The following GLIS3 variants were observed in gnomAD, a reference collection of about 807,000 sequenced individuals.
GLIS3 encodes zinc finger protein GLIS3.
GLIS3 carries 53 observed loss-of-function variants against 78.6 expected under a neutral mutation model. That is an observed-to-expected ratio of 0.67 (90% CI 0.54 to 0.85). GLIS3 has a LOEUF of 0.85. Among genes scored for constraint, GLIS3 ranks in the 40% least tolerant of loss-of-function variants. GLIS3 has a pLI of 0.00. For missense variants in GLIS3, 1,703 were observed against 1,231.1 expected (o/e 1.38, Z -5.74); for synonymous variants, 684 against 509.9 (o/e 1.34, Z -4.60).
chr9:4,077,106 T>C (rs1472488807), intron 4 of GLIS3, among the ~76,000 whole-genome samples: 1 of 152,218 alleles, frequency 6.6e-6, no homozygotes, highest in Non-Finnish European at 1.5e-5. Flanking sequence ...TATTTGTCAT[T>C]GATATCTGCT....
chr9:4,032,035 G>A (rs10124894), intron 4 of GLIS3, among the ~76,000 whole-genome samples: 62,262 of 151,862 alleles, frequency 0.41, 12,961 homozygotes, highest in South Asian at 0.45. Flanking sequence ...AGCCTAGGCA[G>A]GTAGGGTACA....
chr9:3,926,472 CG>C (rs1825262002), intron 6 of GLIS3, among the ~76,000 whole-genome samples: 3 of 152,036 alleles, frequency 2.0e-5, no homozygotes, highest in Admixed American at 6.5e-5. Context: ...CCTCATGATC[CG>C]CCTGTCTCGG....
At chr9:4,248,371 G>A (rs2129815904) in intron 2 of GLIS3, among the ~76,000 whole-genome samples, 1 of 152,220 alleles carries the variant, frequency 6.6e-6, no homozygotes, top group South Asian at 2.1e-4. Flanking sequence ...GATTTGCTGA[G>A]AATGATCGTT....
At chr9:4,261,381 G>A (rs1825511366) in intron 2 of GLIS3, among the ~76,000 whole-genome samples, 5 of 152,162 alleles carry the variant, frequency 3.3e-5, no homozygotes. Flanking sequence ...AAGAAAGGGA[G>A]ACAGGGGAGG....
chr9:4,279,336 C>T (rs1175361596), intron 2 of GLIS3, among the ~76,000 whole-genome samples: 5 of 87,722 alleles, frequency 5.7e-5, no homozygotes, highest in South Asian at 3.4e-4. Context: ...CACACACACA[C>T]ACACACACAC....
intron 2 of GLIS3, among the ~76,000 whole-genome samples, chr9:4,131,883 T>C (rs936173771): frequency 2.6e-5 from 4 of 152,190 alleles, no homozygotes; most frequent in African/African-American, 4.8e-5. Flanking sequence ...TTGTTATTGA[T>C]ACTATGATTG....
chr9:3,856,622 T>C (rs1055635694), intron 8 of GLIS3, among the ~76,000 whole-genome samples: 2 of 152,264 alleles, frequency 1.3e-5, no homozygotes, highest in African/African-American at 4.8e-5. Context: ...TTGTAAGATA[T>C]ATCTGAGGTC....
chr9:3,947,184 G>A (rs1342341202), intron 4 of GLIS3, among the ~76,000 whole-genome samples: 1 of 152,242 alleles, frequency 6.6e-6, no homozygotes, highest in African/African-American at 2.4e-5. Context: ...AATGGACTTG[G>A]CTGCCCAGTA....
At chr9:3,899,052 A>T in intron 6 of GLIS3, 1 of 615,674 alleles carries the variant, frequency 1.6e-6, no homozygotes, top group Non-Finnish European at 2.9e-6. Context: ...ATGTGGCTAG[A>T]GGCGGATTTG....
intron 4 of GLIS3, among the ~76,000 whole-genome samples, chr9:4,110,358 G>A (rs1831111033): frequency 6.6e-6 from 1 of 152,086 alleles, no homozygotes; most frequent in Non-Finnish European, 1.5e-5. Context: ...GCTCCTGCCT[G>A]CCCAGAAACT....
At chr9:3,950,794 C>T (rs531730261) in intron 4 of GLIS3, among the ~76,000 whole-genome samples, 3 of 152,282 alleles carry the variant, frequency 2.0e-5, no homozygotes, top group East Asian at 1.9e-4. Flanking sequence ...TGTTGAATAA[C>T]GGACAAGTGA....
At chr9:4,044,408 GA>G (rs1254911382) in intron 4 of GLIS3, among the ~76,000 whole-genome samples, 1 of 152,076 alleles carries the variant, frequency 6.6e-6, no homozygotes, top group Non-Finnish European at 1.5e-5. Flanking sequence ...TTTCCCTTAG[GA>G]AAATTAACAC....
chr9:4,362,996 A>AAAGAG, the GLIS3 span, among the ~76,000 whole-genome samples: 3 of 152,170 alleles, frequency 2.0e-5, no homozygotes, highest in Non-Finnish European at 2.9e-5. Flanking sequence ...AAAGAGAGGA[A>AAAGAG]AAGAGAAGAG....
chr9:4,317,236 T>C (rs1262105249), intron 2 of GLIS3, among the ~76,000 whole-genome samples: 3 of 152,258 alleles, frequency 2.0e-5, no homozygotes, highest in Non-Finnish European at 2.9e-5. Flanking sequence ...AGTTCTCTTG[T>C]ACTTAGCCTG....
intron 4 of GLIS3, among the ~76,000 whole-genome samples, chr9:4,086,091 A>C (rs1419963279): frequency 6.6e-6 from 1 of 152,228 alleles, no homozygotes; most frequent in Non-Finnish European, 1.5e-5. Context: ...ACAGGATCAG[A>C]AATTCAATGT....
intron 2 of GLIS3, among the ~76,000 whole-genome samples, chr9:4,249,395 A>G (rs1042822078): frequency 2.6e-5 from 4 of 152,060 alleles, no homozygotes; most frequent in African/African-American, 9.7e-5. Context: ...TTGTGAATGG[A>G]AGTTAACTCA....
chr9:4,286,181 G>C lies in GLIS3; in HGVS notation c.245C>G (p.Pro82Arg). The C allele has an allele frequency of 6.2e-7, 1 of 1,614,238 alleles. No homozygotes were observed. Among genetic ancestry groups the C allele is most frequent in the Non-Finnish European group, 8.5e-7 (1 of 1,180,046 alleles). ...CATTTGTCTCCTGGGGCTTAAGGCA[G>C]GCAGATGGATGCGGCTCTCAGCCAC... ...NNVAESRIHL[P>R]ALSPRRQMLT... Residue 82 changes from proline (P) to arginine (R), a missense_variant, in exon 2 of 11, where the codon CCT becomes CGT. Coordinates refer to ENST00000381971, the MANE Select transcript of GLIS3 (RefSeq NM_001042413.2).
At chr9:3,964,785 G>A (rs1274004183) in intron 4 of GLIS3, among the ~76,000 whole-genome samples, 1 of 152,108 alleles carries the variant, frequency 6.6e-6, no homozygotes, top group Non-Finnish European at 1.5e-5. Flanking sequence ...CAGTGTTTCT[G>A]GGCAGTAGTA....
intron 4 of GLIS3, among the ~76,000 whole-genome samples, chr9:4,054,773 C>A (rs903986682): frequency 2.6e-5 from 4 of 151,916 alleles, no homozygotes; most frequent in Admixed American, 6.6e-5. Context: ...TATGGTCTCT[C>A]TCTGTGTGTG....
Sources: gnomAD v4.1 joint callset for allele counts (sites outside exome capture counted in the v4.1 genomes callset) on GRCh38, gnomAD v4.1.1 for gene constraint, MANE v1.5 for transcripts, NCBI Gene and HGNC (gene_info 2026-07-23, HGNC 2026-07-21) for gene names.